Variants in ZNF841 observed in about 807,000 individuals in gnomAD.
ZNF841 encodes the protein zinc finger protein 841.
Under a neutral mutation model 13.0 loss-of-function variants are expected in ZNF841, and 11 were observed. The observed-to-expected ratio is 0.85, with a 90% CI of 0.53 to 1.40. The LOEUF (loss-of-function observed/expected upper bound fraction) is 1.40, where lower values mean the gene tolerates loss of function less well. Ranked by LOEUF, ZNF841 falls within the 40% of genes most tolerant of loss-of-function variation. ZNF841 has a pLI of 0.00. For synonymous variants in ZNF841, 369 were observed against 381.6 expected, an observed-to-expected ratio of 0.97 and a Z score of 0.38; for missense variants, 1,068 against 1,139.5, an observed-to-expected ratio of 0.94 and a Z score of 0.90.
At chr19:52,072,553 T>C (rs929006500) in intron 6 of ZNF841, among the ~76,000 whole-genome samples, 9 of 152,270 alleles carry the variant, frequency 5.9e-5, no homozygotes, top group South Asian at 2.1e-4. Flanking sequence ...GGAAACAACA[T>C]ACTCTTAGGC....
intron 4 of ZNF841, among the ~76,000 whole-genome samples, chr19:52,080,316 G>A (rs776066794): frequency 6.6e-6 from 1 of 152,114 alleles, no homozygotes; most frequent in South Asian, 2.1e-4. Flanking sequence ...ATTGCCTCGG[G>A]GATAAATCCA....
chr19:52,079,539 T>G (rs1001225527), intron 4 of ZNF841, among the ~76,000 whole-genome samples: 3 of 146,862 alleles, frequency 2.0e-5, no homozygotes, highest in Admixed American at 6.8e-5. Flanking sequence ...GAAAAGGGGG[T>G]TTTTCATTTC....
Position 52,064,733 on chromosome 19 carries a change from A to G in ZNF841, c.*374T>C, listed in dbSNP as rs1466231853. On this transcript the variant is annotated 3_prime_UTR_variant, in exon 7 of 7. Transcript: ENST00000594440. ...ACTGCAACCTCCGCCTCCAGGGTTC[A>G]AGCAATTCTCCTGACTCAGCCTCTC... The G allele has an allele frequency of 5.0e-5, 8 of 159,796 alleles. No homozygotes were observed. The highest frequency in any genetic ancestry group is 1.4e-5 in the Non-Finnish European group (1 of 72,314). The allele number at this position is 159,796 out of a possible 1,614,324, so 9.9% of individuals were successfully genotyped here.
In ZNF841 at chr19:52,076,187, A is replaced by G; in HGVS notation, c.143-15T>C. The stretch of plus-strand genomic sequence containing the variant: ...AAGACAGAGTCCTGCTTATAAAAAA[A>G]GAAAGAAGATGTCCCACGGTTTTTC... On this transcript the variant is annotated splice_polypyrimidine_tract_variant and intron_variant, in intron 5 of 6. Transcript: ENST00000594440. 1.3e-6 allele frequency: 2 copies of G among 1,549,782 alleles called. No individual in the cohort carries two copies. Among genetic ancestry groups the G allele is most frequent in the African/African-American group, 1.4e-5 (1 of 72,806 alleles).
downstream of ZNF841, among the ~76,000 whole-genome samples, chr19:52,062,868 GA>G (rs1300077891): frequency 5.6e-5 from 8 of 142,042 alleles, no homozygotes; most frequent in South Asian, 7.0e-4. Context: ...AATCTGTTGA[GA>G]AATTTTTTTT....
chr19:52,075,472 G>GAGTA (rs2087869359), intron 6 of ZNF841, among the ~76,000 whole-genome samples: 1 of 152,204 alleles, frequency 6.6e-6, no homozygotes, highest in African/African-American at 2.4e-5. Flanking sequence ...AACCCAAGAA[G>GAGTA]AGTGTCCAAA....
chr19:52,075,352 G>T (rs568899409), intron 6 of ZNF841, among the ~76,000 whole-genome samples: 1 of 152,296 alleles, frequency 6.6e-6, no homozygotes, highest in South Asian at 2.1e-4. Flanking sequence ...TGAAGACAGA[G>T]ATACGCTCCC....
chr19:52,065,159 A>C lies in ZNF841; in HGVS notation c.2723T>G (p.Leu908Arg). The change falls in exon 7 of 7, where the codon CTC becomes CGC. Residue 908 changes from leucine (L) to arginine (R), a missense_variant. Transcript: ENST00000594440. ...KHAGENLTTK[L>R]NVERPLDVVL... ...AACATCTAACGGCCTTTCCACATTG[A>C]GTTTAGTTGTAAGGTTCTCTCCAGC... 6.4e-7 allele frequency: 1 copy of C among 1,573,882 alleles called. No homozygotes were observed. The highest frequency in any genetic ancestry group is 8.6e-7 in the Non-Finnish European group (1 of 1,160,876).
chr19:52,067,858 T>C (rs966826240), intron 6 of ZNF841, among the ~76,000 whole-genome samples: 6 of 152,164 alleles, frequency 3.9e-5, no homozygotes, highest in African/African-American at 1.4e-4. Flanking sequence ...AAGACTCATG[T>C]TATGCAAACA....
In ZNF841 at chr19:52,066,566, T is replaced by C. The variant is rs541053089; in HGVS notation, c.1316A>G (p.Tyr439Cys). Residue 439 changes from tyrosine (Y) to cysteine (C), a missense_variant, in exon 7 of 7, where the codon TAT becomes TGT. Coordinates refer to ENST00000594440, the MANE Select transcript of ZNF841 (RefSeq NM_001136499.2). ...GTGCCTTACAAGTTGTGAATTCTGA[T>C]AAAAGACCTTGCCACATACATCACA... ...YTCDVCGKVFYQNSQLVRHQI... is the reference protein window; with the variant it reads ...YTCDVCGKVFCQNSQLVRHQI... The C allele has an allele frequency of 6.2e-7, 1 of 1,613,600 alleles. No homozygotes were observed. The highest frequency in any genetic ancestry group is 2.2e-5 in the East Asian group (1 of 44,804).
At chr19:52,080,985 T>C (rs200556037) in intron 4 of ZNF841, among the ~76,000 whole-genome samples, 1 of 152,098 alleles carries the variant, frequency 6.6e-6, no homozygotes, top group East Asian at 1.9e-4. Context: ...AAGAAACCAA[T>C]TAAGTCTCTA....
At chr19:52,080,961 A>C (rs1353080805) in intron 4 of ZNF841, among the ~76,000 whole-genome samples, 1 of 152,230 alleles carries the variant, frequency 6.6e-6, no homozygotes, top group Non-Finnish European at 1.5e-5. Flanking sequence ...AAATAGGAAA[A>C]TACAGTCCAT....
At chr19:52,086,476 T>C (rs2088279599) in intron 3 of ZNF841, among the ~76,000 whole-genome samples, 2 of 152,228 alleles carry the variant, frequency 1.3e-5, no homozygotes, top group Admixed American at 6.5e-5. Context: ...CAGAAGCAGA[T>C]GTCGCCATGC....
intron 6 of ZNF841, 100 bp from the exon 7 acceptor site, chr19:52,067,710 C>T: frequency 1.2e-6 from 1 of 821,204 alleles, no homozygotes; most frequent in Non-Finnish European, 1.7e-6. Flanking sequence ...TTTATACTAG[C>T]AAGTTGTGAA....
chr19:52,086,694 G>A (rs930374783), intron 3 of ZNF841, among the ~76,000 whole-genome samples: 2 of 152,218 alleles, frequency 1.3e-5, no homozygotes, highest in South Asian at 2.1e-4. Flanking sequence ...CCCACATTGG[G>A]AAACATTCAG....
chr19:52,065,245 A>G lies in ZNF841; in HGVS notation c.2637T>C (p.Cys879=), dbSNP rs1729249186. Residue 879 remains cysteine (C), a synonymous_variant, in exon 7 of 7, where the codon TGT becomes TGC. Transcript: ENST00000594440. ...TAATGTAAGATTTGCCACACTCATTACATTTATAAGGTTTTTCACTAGAAT... is the reference window on the plus strand; with the variant it reads ...TAATGTAAGATTTGCCACACTCATTGCATTTATAAGGTTTTTCACTAGAAT... ...RIHSSEKPYK[C]NECGKSYISR... is the part of the protein sequence containing the mutation. 3.1e-6 allele frequency: 5 copies of G among 1,614,034 alleles called. No homozygotes were observed. Among genetic ancestry groups the G allele is most frequent in the Non-Finnish European group, 4.2e-6 (5 of 1,179,952 alleles).
chr19:52,082,097 A>C (rs1466910058), intron 4 of ZNF841, among the ~76,000 whole-genome samples: 1 of 152,192 alleles, frequency 6.6e-6, no homozygotes, highest in Non-Finnish European at 1.5e-5. Flanking sequence ...CCAATAAATA[A>C]TGTGAATATA....
downstream of ZNF841, among the ~76,000 whole-genome samples, chr19:52,061,286 T>G (rs540008642): frequency 1.6e-3 from 250 of 152,184 alleles, 2 homozygotes; most frequent in African/African-American, 5.8e-3. Context: ...AAATGTAAAA[T>G]TTTTTTTGCA....
At chr19:52,076,885 C>A in intron 5 of ZNF841, 73 bp downstream of exon 5, 1 of 1,569,648 alleles carries the variant, frequency 6.4e-7, no homozygotes, top group Non-Finnish European at 8.7e-7. Flanking sequence ...TAGGGCCTCA[C>A]AAGAAACACA....
Sources: gnomAD v4.1 joint callset for allele counts (sites outside exome capture counted in the v4.1 genomes callset) on GRCh38, gnomAD v4.1.1 for gene constraint, MANE v1.5 for transcripts, NCBI Gene and HGNC (gene_info 2026-07-23, HGNC 2026-07-21) for gene names.